Variants in EVA1A observed in about 807,000 individuals in gnomAD.
The protein encoded by EVA1A is protein eva-1 homolog A.
In EVA1A, 7 loss-of-function variants were observed where a neutral mutation model predicts 9.8. The observed-to-expected ratio is 0.71, with a 90% CI of 0.41 to 1.34. EVA1A has a LOEUF of 1.34. Ranked by LOEUF, EVA1A falls within the 40% of genes most tolerant of loss-of-function variation. The pLI, the probability that EVA1A is intolerant of heterozygous loss-of-function variation, is 0.01. For synonymous variants in EVA1A, 90 were observed against 85.6 expected (o/e 1.05, Z -0.28); for missense variants, 206 against 205.9 (o/e 1.00, Z 0.00).
Position 75,518,102 on chromosome 2 carries a change from C to T in EVA1A, c.39G>A (p.Glu13=), listed in dbSNP as rs1675078987. ...LPLSHSPEHV[E]MALLSNILAA... ...CTAGGATGTTGCTGAGCAAAGCCAT[C>T]TCCACGTGCTCTGGGCTGTGGCTGA... Residue 13 remains glutamate (E), a synonymous_variant, in exon 3 of 4, where the codon GAG becomes GAA. Coordinates refer to ENST00000393913, the MANE Select transcript of EVA1A (RefSeq NM_001135032.2). The T allele has an allele frequency of 6.2e-7, 1 of 1,614,014 alleles. No homozygotes were observed.
At chr2:75,501,500 C>T (rs1363648859) in intron 3 of EVA1A, among the ~76,000 whole-genome samples, 1 of 152,118 alleles carries the variant, frequency 6.6e-6, no homozygotes, top group Non-Finnish European at 1.5e-5. Context: ...GGAGGTATGG[C>T]TTTGAGTATA....
chr2:75,508,792 G>A (rs776309802), intron 3 of EVA1A, among the ~76,000 whole-genome samples: 5 of 152,042 alleles, frequency 3.3e-5, no homozygotes, highest in Non-Finnish European at 7.4e-5. Flanking sequence ...CGGATGCCCA[G>A]CTTTAAAATT....
chr2:75,526,090 G>A (rs1014717821), intron 1 of EVA1A: 5 of 152,200 alleles, frequency 3.3e-5, no homozygotes, highest in Admixed American at 1.3e-4. Flanking sequence ...ATTCTCTGAA[G>A]GAAGATCCAC....
chr2:75,499,416 A>G (rs2103780595), intron 3 of EVA1A, among the ~76,000 whole-genome samples: 1 of 152,330 alleles, frequency 6.6e-6, no homozygotes, highest in Non-Finnish European at 1.5e-5. Flanking sequence ...GGCACAGGAA[A>G]TGGAAAACCA....
intron 1 of EVA1A, among the ~76,000 whole-genome samples, chr2:75,548,979 G>GAAAAAAAAAA (rs150555298): frequency 2.3e-5 from 3 of 130,172 alleles, no homozygotes; most frequent in South Asian, 4.9e-4. Context: ...CTGGCTAAAT[G>GAAAAAAAAAA]AAAAATATAT....
rs143782676 is a variant in EVA1A at position 75,553,633 on chromosome 2, T to G, written c.-192+7047A>C. ...CCACCAAGCTGTCTCTGTGAGCACA[T>G]TAGCACACCCACAGGAACACTTTTA... On this transcript the variant is annotated intron_variant, in intron 1 of 3. Transcript: ENST00000393913. 6.9e-4 allele frequency among the ~76,000 whole-genome samples: 105 copies of G among 152,276 alleles called. 1 individual carries two copies. The highest frequency in any genetic ancestry group is 2.3e-3 in the African/African-American group (94 of 41,550).
At chr2:75,508,249 G>T (rs1674686777) in intron 3 of EVA1A, among the ~76,000 whole-genome samples, 2 of 152,212 alleles carry the variant, frequency 1.3e-5, no homozygotes, top group Non-Finnish European at 2.9e-5. Flanking sequence ...CAGGGAATAA[G>T]AGAGATAACC....
chr2:75,551,971 A>G (rs1676538966), intron 1 of EVA1A, among the ~76,000 whole-genome samples: 1 of 152,138 alleles, frequency 6.6e-6, no homozygotes, highest in African/African-American at 2.4e-5. Flanking sequence ...ACTTGAGGCC[A>G]GAAGTTCAAA....
At chr2:75,516,416 A>C (rs1227217069) in intron 3 of EVA1A, among the ~76,000 whole-genome samples, 1 of 152,148 alleles carries the variant, frequency 6.6e-6, no homozygotes, top group East Asian at 1.9e-4. Flanking sequence ...TTACTTAAAG[A>C]AGCATTGTCT....
rs766586263 is a variant in EVA1A at position 75,555,336 on chromosome 2, T to TCTCTCTCTCTCTCTCTCCCC, written c.-192+5343_-192+5344insGGGGAGAGAGAGAGAGAGAG. 8.2e-4 allele frequency among the ~76,000 whole-genome samples: 84 copies of TCTCTCTCTCTCTCTCTCCCC among 102,804 alleles called. 1 individual carries two copies. The highest frequency in any genetic ancestry group is 1.3e-3 in the Non-Finnish European group (57 of 45,182). The allele number at this position is 102,804 out of a possible 152,430, so 67.4% of individuals were successfully genotyped here. On this transcript the variant is annotated intron_variant, in intron 1 of 3. Coordinates refer to ENST00000393913, the MANE Select transcript of EVA1A (RefSeq NM_001135032.2). ...CTCTCTCTCTCTCTCTCTCTCTCTC[T>TCTCTCTCTCTCTCTCTCCCC]CCCCCATCTCCCCTTCTTTCCCTCT...
At chr2:75,543,827 T>C (rs1676226595) in intron 1 of EVA1A, among the ~76,000 whole-genome samples, 1 of 152,240 alleles carries the variant, frequency 6.6e-6, no homozygotes, top group Non-Finnish European at 1.5e-5. Flanking sequence ...GATGTTTACC[T>C]GATCAAAACA....
chr2:75,563,837 T>G (rs1676969740), upstream of EVA1A, among the ~76,000 whole-genome samples: 1 of 152,186 alleles, frequency 6.6e-6, no homozygotes, highest in African/African-American at 2.4e-5. Flanking sequence ...TTGTCTTTGA[T>G]TGCTCTTTTT....
intron 1 of EVA1A, among the ~76,000 whole-genome samples, chr2:75,544,776 G>C (rs1036578793): frequency 1.2e-4 from 18 of 152,198 alleles, no homozygotes; most frequent in African/African-American, 4.3e-4. Flanking sequence ...CATAGTGTTA[G>C]TGAGTCAACA....
intron 1 of EVA1A, among the ~76,000 whole-genome samples, chr2:75,545,680 G>T (rs1652309772): frequency 7.3e-6 from 1 of 136,164 alleles, no homozygotes; most frequent in Non-Finnish European, 1.6e-5. Context: ...CAGAAGCAAA[G>T]CACAGGACAC....
At chr2:75,513,793 A>C (rs1021399589) in intron 3 of EVA1A, among the ~76,000 whole-genome samples, 3 of 152,204 alleles carry the variant, frequency 2.0e-5, no homozygotes, top group Non-Finnish European at 4.4e-5. Flanking sequence ...CAGAGAAAGA[A>C]AAAGACAGGC....
chr2:75,565,495 T>C (rs530195012), upstream of EVA1A, among the ~76,000 whole-genome samples: 5 of 152,302 alleles, frequency 3.3e-5, no homozygotes, highest in South Asian at 1.0e-3. Context: ...GACTTTTCTC[T>C]GCCGTAAGTG....
chr2:75,493,367 T>G lies in EVA1A; in HGVS notation c.328A>C (p.Asn110His), dbSNP rs763028868. Residue 110 changes from asparagine to histidine, a missense_variant, in exon 4 of 4, where the codon AAT becomes CAT. Asn to His is a moderately conservative substitution (Grantham distance 68). Coordinates refer to ENST00000393913, the MANE Select transcript of EVA1A (RefSeq NM_001135032.2). ...AGCTCCTCCGCAGAGGTGAACACAT[T>G]CTTGTTCAAAGTCCTCTCGAAGCGG... ...HRRFERTLNK[N>H]VFTSAEELER... 1.9e-6 allele frequency: 3 copies of G among 1,614,232 alleles called. No homozygotes were observed. The highest frequency in any genetic ancestry group is 4.5e-5 in the East Asian group (2 of 44,880).
rs1035139328 is a variant in EVA1A at position 75,533,873 on chromosome 2, G to A, written c.-191-11386C>T. 5.9e-5 allele frequency among the ~76,000 whole-genome samples: 9 copies of A among 151,694 alleles called. No homozygotes were observed. In the South Asian group the frequency reaches 8.3e-4, roughly 14 times the overall value. On this transcript the variant is annotated intron_variant, in intron 1 of 3. Transcript: ENST00000393913. ...GTTGCCCAGGCTGGAGTGCAGTGGCGCGATCTTGGCTCACTGCAAGCTCCG... is the reference window on the plus strand; with the variant it reads ...GTTGCCCAGGCTGGAGTGCAGTGGCACGATCTTGGCTCACTGCAAGCTCCG...
chr2:75,542,075 G>A (rs147094252), intron 1 of EVA1A: 4,018 of 152,596 alleles, frequency 0.026, 66 homozygotes, highest in Non-Finnish European at 0.037. Flanking sequence ...TGGGTCTCAC[G>A]AGATCTGATG....
Sources: gnomAD v4.1 joint callset for allele counts (sites outside exome capture counted in the v4.1 genomes callset) on GRCh38, gnomAD v4.1.1 for gene constraint, MANE v1.5 for transcripts, NCBI Gene and HGNC (gene_info 2026-07-23, HGNC 2026-07-21) for gene names.